Variants in SBF2 observed in about 807,000 individuals in gnomAD.
SBF2 encodes myotubularin-related protein 13.
In SBF2, 112 loss-of-function variants were observed where a neutral mutation model predicts 225.2. The ratio of observed to expected loss-of-function variants is 0.50; its 90% CI spans 0.43 to 0.58. SBF2 has a LOEUF of 0.58. SBF2 is among the 20% of genes least tolerant of loss of function. The probability of loss-of-function intolerance (pLI) is 0.00; values close to 1 mark genes in which losing one functional copy is unlikely to be tolerated. For synonymous variants in SBF2, 763 were observed against 773.3 expected (o/e 0.99, Z 0.22); for missense variants, 1,996 against 2,206.2 (o/e 0.90, Z 1.91).
In SBF2 at chr11:9,789,492, C is replaced by A. The variant is rs11042496; in HGVS notation, c.4699-150G>T. On this transcript the variant is annotated intron_variant, in intron 34 of 39. Transcript: ENST00000256190. ...TATTTCTAAATATTTAAAAATCATACATCAAGATAAATTATTAAATAAAAC... is the reference window on the plus strand; with the variant it reads ...TATTTCTAAATATTTAAAAATCATAAATCAAGATAAATTATTAAATAAAAC... 193,631 of 623,772 alleles carry A rather than the reference C, an allele frequency of 0.31. 35,103 individuals carry two copies. Among genetic ancestry groups the A allele is most frequent in the Non-Finnish European group, 0.38 (132,840 of 352,382 alleles). 38.6% of individuals were successfully genotyped at this position (623,772 alleles called of 1,614,324 possible). A position where few individuals can be genotyped will look rare whatever the true frequency, so the allele number is the denominator to read the frequency against.
chr11:10,260,789 G>A (rs373919057), intron 1 of SBF2, among the ~76,000 whole-genome samples: 4 of 151,670 alleles, frequency 2.6e-5, no homozygotes, highest in African/African-American at 9.7e-5. Context: ...GTTAAGACAG[G>A]AGGATTGCTT....
At chr11:9,842,115 A>G (rs9645623) in intron 25 of SBF2, among the ~76,000 whole-genome samples, 4 of 151,926 alleles carry the variant, frequency 2.6e-5, no homozygotes, top group African/African-American at 9.7e-5. Context: ...TTCTGCCTCT[A>G]TTTTTCCCAC....
chr11:10,013,676 G>T (rs578040883), intron 6 of SBF2, among the ~76,000 whole-genome samples: 1 of 152,280 alleles, frequency 6.6e-6, no homozygotes, highest in East Asian at 1.9e-4. Flanking sequence ...CAACTAAAAA[G>T]CAATCTGTAT....
intron 17 of SBF2, among the ~76,000 whole-genome samples, chr11:9,868,930 G>A (rs1390308319): frequency 6.6e-6 from 1 of 152,160 alleles, no homozygotes; most frequent in East Asian, 1.9e-4. Flanking sequence ...TTATGTTAGA[G>A]GATGTTGATT....
chr11:10,020,446 T>C (rs536501849), intron 6 of SBF2, among the ~76,000 whole-genome samples: 1 of 151,952 alleles, frequency 6.6e-6, no homozygotes, highest in Non-Finnish European at 1.5e-5. Flanking sequence ...CCCAGAAGCA[T>C]GCCAACCTAT....
intron 2 of SBF2, among the ~76,000 whole-genome samples, chr11:10,047,554 T>C (rs1463769034): frequency 6.6e-6 from 1 of 152,188 alleles, no homozygotes; most frequent in East Asian, 1.9e-4. Context: ...TTAGGTATTA[T>C]GACCATTACC....
chr11:10,055,892 G>A (rs1698620903), intron 2 of SBF2, among the ~76,000 whole-genome samples: 2 of 151,644 alleles, frequency 1.3e-5, no homozygotes, highest in African/African-American at 4.8e-5. Context: ...ATCTTTCCAT[G>A]TAACCAAAAA....
At chr11:10,063,320 T>TAA (rs1207455488) in intron 2 of SBF2, among the ~76,000 whole-genome samples, 1 of 114,920 alleles carries the variant, frequency 8.7e-6, no homozygotes, top group East Asian at 2.5e-4. Flanking sequence ...TAACCTAAAG[T>TAA]AAAAAAAATA....
chr11:10,055,572 CCAT>C (rs1251786091), intron 2 of SBF2, among the ~76,000 whole-genome samples: 14 of 126,922 alleles, frequency 1.1e-4, no homozygotes, highest in South Asian at 2.6e-4. Flanking sequence ...CACACACACA[CCAT>C]GGAATACTAC....
Position 9,858,252 on chromosome 11 carries a change from T to G in SBF2, c.2074A>C (p.Asn692His). 6.2e-7 allele frequency: 1 copy of G among 1,614,220 alleles called. No individual in the cohort carries two copies. The highest frequency in any genetic ancestry group is 8.5e-7 in the Non-Finnish European group (1 of 1,180,026). Residue 692 changes from asparagine (N) to histidine (H), a missense_variant, in exon 18 of 40, where the codon AAT (asparagine) becomes CAT (histidine). By Grantham distance (68) the Asn-to-His change is moderately conservative. Coordinates refer to ENST00000256190, the MANE Select transcript of SBF2 (RefSeq NM_030962.4). The stretch of plus-strand genomic sequence containing the variant: ...TTTTGCTTCAGATGCGGGGCATGAT[T>G]GTCTTCCTTGGCTGAGAGATAAAGG... ...RSLYLSAKED[N>H]HAPHLKQKDK...
At chr11:10,032,048 AT>A (rs1246984714) in intron 3 of SBF2, among the ~76,000 whole-genome samples, 1 of 152,174 alleles carries the variant, frequency 6.6e-6, no homozygotes, top group Non-Finnish European at 1.5e-5. Flanking sequence ...CTGAGAGAAC[AT>A]TTTTACATAC....
intron 1 of SBF2, among the ~76,000 whole-genome samples, chr11:10,281,475 G>T (rs557950862): frequency 6.6e-6 from 1 of 152,282 alleles, no homozygotes; most frequent in African/African-American, 2.4e-5. Context: ...TCAGAAACTT[G>T]AAACAGTCTC....
chr11:9,817,737 T>C (rs1392340159), intron 28 of SBF2, among the ~76,000 whole-genome samples: 4 of 106,702 alleles, frequency 3.7e-5, no homozygotes, highest in Admixed American at 3.5e-4. Context: ...AAACCCCGTC[T>C]CTACCAAAAA....
At chr11:9,793,732 C>G (rs556248888) in intron 33 of SBF2, among the ~76,000 whole-genome samples, 1 of 152,254 alleles carries the variant, frequency 6.6e-6, no homozygotes, top group African/African-American at 2.4e-5. Context: ...CTGGGCCTTA[C>G]CATCACAGAT....
At chr11:10,071,263 C>G (rs1206506909) in intron 2 of SBF2, among the ~76,000 whole-genome samples, 1 of 124,932 alleles carries the variant, frequency 8.0e-6, no homozygotes, top group African/African-American at 2.9e-5. Context: ...TTCTCTCTCT[C>G]TCTTTTTTTT....
chr11:9,951,248 AG>A (rs1410287596), intron 16 of SBF2, among the ~76,000 whole-genome samples: 1 of 152,244 alleles, frequency 6.6e-6, no homozygotes, highest in Non-Finnish European at 1.5e-5. Flanking sequence ...CTGTAGATAT[AG>A]GCAGGGGCCA....
chr11:9,822,077 C>T (rs1854784952), intron 28 of SBF2, among the ~76,000 whole-genome samples: 1 of 152,082 alleles, frequency 6.6e-6, no homozygotes, highest in Admixed American at 6.5e-5. Flanking sequence ...TAAAATGCTA[C>T]TATGGGCTAG....
chr11:9,870,054 C>A (rs1858595360), intron 17 of SBF2, among the ~76,000 whole-genome samples: 1 of 152,040 alleles, frequency 6.6e-6, no homozygotes, highest in Non-Finnish European at 1.5e-5. Flanking sequence ...TTCCTATATA[C>A]CAACAACAGG....
chr11:9,933,496 T>C (rs7936602), intron 16 of SBF2, among the ~76,000 whole-genome samples: 18,470 of 152,160 alleles, frequency 0.12, 1,222 homozygotes, highest in Non-Finnish European at 0.14. Context: ...GAACTCAAGA[T>C]TAAGAAACTC....
Sources: gnomAD v4.1 joint callset for allele counts (sites outside exome capture counted in the v4.1 genomes callset) on GRCh38, gnomAD v4.1.1 for gene constraint, MANE v1.5 for transcripts, NCBI Gene and HGNC (gene_info 2026-07-23, HGNC 2026-07-21) for gene names.